SPAG16: variants seen among roughly 807,000 people sequenced by gnomAD.
SPAG16 encodes the protein sperm associated antigen 16, also known as sperm-associated antigen 16 protein.
Under a neutral mutation model 80.4 loss-of-function variants are expected in SPAG16, and 86 were observed. That is an observed-to-expected ratio of 1.07 (90% CI 0.90 to 1.28). The LOEUF is 1.28. SPAG16 is among the 50% of genes most tolerant of loss of function. The probability of loss-of-function intolerance (pLI) is 0.00; values close to 1 mark genes in which losing one functional copy is unlikely to be tolerated. For synonymous variants in SPAG16, 294 were observed against 265.9 expected, an observed-to-expected ratio of 1.11 and a Z score of -1.03; for missense variants, 870 against 765.3, an observed-to-expected ratio of 1.14 and a Z score of -1.61.
intron 10 of SPAG16, among the ~76,000 whole-genome samples, chr2:213,789,470 A>C (rs980587881): frequency 6.6e-6 from 1 of 151,984 alleles, no homozygotes; most frequent in East Asian, 1.9e-4. Context: ...TTTATCTGAG[A>C]GTATGTGTGG....
Position 214,304,529 on chromosome 2 carries a change from A to G in SPAG16, c.1721-105611A>G, listed in dbSNP as rs368562266. Reference sequence around the variant, plus strand: ...TACTTTTAGTTGATCTAATATCTATAGAAACAATGCTAATGACTGGCTTGC... The same window carrying G: ...TACTTTTAGTTGATCTAATATCTATGGAAACAATGCTAATGACTGGCTTGC... On this transcript the variant is annotated intron_variant, in intron 15 of 15. Transcript: ENST00000331683. Among the ~76,000 whole-genome samples, 11 of 152,336 alleles carry G rather than the reference A, an allele frequency of 7.2e-5. 1 individual carries two copies. The East Asian group carries it at 1.9e-3, about 27-fold the overall frequency.
intron 15 of SPAG16, among the ~76,000 whole-genome samples, chr2:214,276,261 G>A (rs1033655245): frequency 2.0e-5 from 3 of 152,178 alleles, no homozygotes; most frequent in African/African-American, 7.2e-5. Flanking sequence ...TTGCCAGTCT[G>A]TCTCTTTTAA....
intron 10 of SPAG16, among the ~76,000 whole-genome samples, chr2:213,811,576 CT>C (rs2125668857): frequency 6.6e-6 from 1 of 152,182 alleles, no homozygotes; most frequent in South Asian, 2.1e-4. Context: ...TTCTATACCC[CT>C]GTACATTTCA....
At chr2:214,262,903 TATC>T (rs1312611366) in intron 15 of SPAG16, among the ~76,000 whole-genome samples, 1 of 152,120 alleles carries the variant, frequency 6.6e-6, no homozygotes, top group Non-Finnish European at 1.5e-5. Flanking sequence ...AAACAAACAG[TATC>T]ATTTTATTTT....
At chr2:214,111,865 G>A (rs2053682172) in intron 14 of SPAG16, among the ~76,000 whole-genome samples, 1 of 152,012 alleles carries the variant, frequency 6.6e-6, no homozygotes, top group South Asian at 2.1e-4. Flanking sequence ...GGATTCCTAG[G>A]TATTTTATCT....
chr2:214,355,092 A>T (rs1025546941), intron 15 of SPAG16, among the ~76,000 whole-genome samples: 3 of 152,042 alleles, frequency 2.0e-5, no homozygotes, highest in African/African-American at 7.2e-5. Context: ...ACGCATTACC[A>T]TTCAGGACAT....
chr2:213,714,469 G>A (rs2066144491), intron 10 of SPAG16, among the ~76,000 whole-genome samples: 1 of 152,062 alleles, frequency 6.6e-6, no homozygotes. Flanking sequence ...CAGGTGGCAG[G>A]GAAGGGGAAT....
chr2:214,091,658 C>T (rs1446353589), intron 13 of SPAG16, among the ~76,000 whole-genome samples: 4 of 152,068 alleles, frequency 2.6e-5, no homozygotes, highest in Non-Finnish European at 5.9e-5. Context: ...CTATAACTTG[C>T]TTGTATTACT....
rs1185752171 is a variant in SPAG16 at position 213,756,835 on chromosome 2, T to G, written c.1071-105650T>G. On this transcript the variant is annotated intron_variant, in intron 10 of 15. Coordinates refer to ENST00000331683, the MANE Select transcript of SPAG16 (RefSeq NM_024532.5). ...TTAAATGATGTAATAACTGTTATATTCAGCTAATATCTCAATGATGGCTTT... is the reference window on the plus strand; with the variant it reads ...TTAAATGATGTAATAACTGTTATATGCAGCTAATATCTCAATGATGGCTTT... Among the ~76,000 whole-genome samples the G allele has an allele frequency of 3.3e-5, 5 of 152,366 alleles. No homozygotes were observed. In the East Asian group the frequency reaches 9.6e-4, roughly 29 times the overall value.
intron 9 of SPAG16, among the ~76,000 whole-genome samples, chr2:213,406,606 T>C (rs760404218): frequency 3.7e-4 from 57 of 152,322 alleles, no homozygotes; most frequent in Middle Eastern, 3.4e-3. Context: ...GATGTTACCA[T>C]ATTATACAGA....
intron 15 of SPAG16, among the ~76,000 whole-genome samples, chr2:214,270,834 C>T (rs1691936853): frequency 6.6e-6 from 1 of 152,114 alleles, no homozygotes; most frequent in African/African-American, 2.4e-5. Context: ...GAGGTACTTG[C>T]TGTCACAGCA....
intron 9 of SPAG16, among the ~76,000 whole-genome samples, chr2:213,464,042 G>A (rs188959356): frequency 2.0e-5 from 3 of 152,202 alleles, no homozygotes; most frequent in African/African-American, 7.2e-5. Flanking sequence ...TTGAATAAAG[G>A]TGGCCTTGGT....
intron 7 of SPAG16, among the ~76,000 whole-genome samples, chr2:213,357,678 A>G (rs1355807341): frequency 6.6e-6 from 1 of 152,158 alleles, no homozygotes; most frequent in African/African-American, 2.4e-5. Flanking sequence ...TCTCCTGAAT[A>G]CAGCACACTG....
At chr2:214,307,196 T>C (rs1378608897) in intron 15 of SPAG16, among the ~76,000 whole-genome samples, 3 of 152,204 alleles carry the variant, frequency 2.0e-5, no homozygotes, top group Non-Finnish European at 4.4e-5. Context: ...TGTTCTCTGA[T>C]GTTTCTTTGT....
chr2:214,013,140 A>G (rs534525769), intron 12 of SPAG16, among the ~76,000 whole-genome samples: 1 of 151,604 alleles, frequency 6.6e-6, no homozygotes, highest in Admixed American at 6.6e-5. Context: ...CAATTGGCAT[A>G]GAATGTCTAG....
chr2:214,002,484 G>GTAT (rs2046837287), intron 12 of SPAG16, among the ~76,000 whole-genome samples: 1 of 152,152 alleles, frequency 6.6e-6, no homozygotes, highest in South Asian at 2.1e-4. Flanking sequence ...GATAAACACT[G>GTAT]TATTAATCAG....
At chr2:213,883,370 G>T (rs2076425617) in intron 11 of SPAG16, among the ~76,000 whole-genome samples, 1 of 152,152 alleles carries the variant, frequency 6.6e-6, no homozygotes, top group African/African-American at 2.4e-5. Context: ...GTCTGAGAGT[G>T]TGCTTGACTC....
chr2:214,003,778 C>T (rs1263015311), intron 12 of SPAG16, among the ~76,000 whole-genome samples: 1 of 152,018 alleles, frequency 6.6e-6, no homozygotes, highest in Non-Finnish European at 1.5e-5. Flanking sequence ...TAACATGGAC[C>T]ACATAGACAA....
chr2:213,735,944 A>G (rs544295406), intron 10 of SPAG16, among the ~76,000 whole-genome samples: 3 of 152,320 alleles, frequency 2.0e-5, no homozygotes, highest in Admixed American at 1.3e-4. Context: ...GAGGGAAATG[A>G]CAGGCAGAGA....
Sources: allele counts gnomAD v4.1 joint callset (sites outside exome capture counted in the v4.1 genomes callset), GRCh38; gene constraint gnomAD v4.1.1; transcripts MANE v1.5; gene names NCBI Gene and HGNC (gene_info 2026-07-23, HGNC 2026-07-21).